IFT81: variants seen among roughly 807,000 people sequenced by gnomAD.
IFT81 encodes the protein intraflagellar transport protein 81 homolog.
Under a neutral mutation model 102.6 loss-of-function variants are expected in IFT81, and 72 were observed. That is an observed-to-expected ratio of 0.70 (90% CI 0.58 to 0.85). The LOEUF (loss-of-function observed/expected upper bound fraction) is 0.85, where lower values mean the gene tolerates loss of function less well. Ranked by LOEUF, IFT81 falls within the 40% of genes least tolerant of loss-of-function variation. The pLI, the probability that IFT81 is intolerant of heterozygous loss-of-function variation, is 0.00. For missense variants in IFT81, 723 were observed against 787.3 expected (o/e 0.92, Z 0.98); for synonymous variants, 237 against 242.7 (o/e 0.98, Z 0.22).
Position 110,147,015 on chromosome 12 carries a change from C to T in IFT81, c.1008C>T (p.Pro336=), listed in dbSNP as rs1593298169. Reference sequence around the variant, plus strand: ...AAAAGAAAATGATGAGAAATGAGCCCATTGAAGGCAAACTCTCACTGTATA... The same window carrying T: ...AAAAGAAAATGATGAGAAATGAGCCTATTGAAGGCAAACTCTCACTGTATA... ...LIEKKMMRNE[P]IEGKLSLYRQ... is the part of the protein sequence containing the mutation. The change falls in exon 10 of 19, where the codon CCC becomes CCT. Residue 336 remains proline, a synonymous_variant. Transcript: ENST00000242591. The T allele has an allele frequency of 2.5e-6, 4 of 1,610,822 alleles. No individual in the cohort carries two copies. Among genetic ancestry groups the T allele is most frequent in the Non-Finnish European group, 3.4e-6 (4 of 1,178,588 alleles).
At position 110,217,900 on chromosome 12, in the gene IFT81, T is replaced by C. The variant is rs142227986; in HGVS notation, c.1849-144T>C. Reference sequence around the variant, plus strand: ...TGGCCTTAGTTAACTTTTATAATCTTAGTTTTGGTACATTATAGAGTATGT... The same window carrying C: ...TGGCCTTAGTTAACTTTTATAATCTCAGTTTTGGTACATTATAGAGTATGT... On this transcript the variant is annotated intron_variant, in intron 18 of 18. Transcript: ENST00000242591. The C allele has an allele frequency of 1.6e-3, 959 of 591,416 alleles. 6 individuals carry two copies. The African/African-American group carries it at 0.018, about 11-fold the overall frequency. The allele number at this position is 591,416 out of a possible 1,614,324, so 36.6% of individuals were successfully genotyped here. A position where few individuals can be genotyped will look rare whatever the true frequency, so the allele number is the denominator to read the frequency against.
At chr12:110,179,574 T>C (rs1897198335) in intron 11 of IFT81, among the ~76,000 whole-genome samples, 1 of 150,500 alleles carries the variant, frequency 6.6e-6, no homozygotes, top group African/African-American at 2.4e-5. Flanking sequence ...ATGCAAAAAT[T>C]AGCCAGGCGT....
chr12:110,143,559 A>C lies in IFT81; in HGVS notation c.945+14A>C. On this transcript the variant is annotated intron_variant, in intron 9 of 18. Coordinates refer to ENST00000242591, the MANE Select transcript of IFT81 (RefSeq NM_014055.4). Reference sequence around the variant, plus strand: ...CTTGAATCTAAAGTAAGTGAGAATCATCTTTTTATAGCTCTCAATTTTATC... The same window carrying C: ...CTTGAATCTAAAGTAAGTGAGAATCCTCTTTTTATAGCTCTCAATTTTATC... 1 of 1,531,858 alleles carries C rather than the reference A, an allele frequency of 6.5e-7. No individual in the cohort carries two copies. The highest frequency in any genetic ancestry group is 8.7e-7 in the Non-Finnish European group (1 of 1,149,888). 94.9% of individuals were successfully genotyped at this position (1,531,858 alleles called of 1,614,324 possible).
intron 4 of IFT81, among the ~76,000 whole-genome samples, chr12:110,129,633 A>G (rs1391026422): frequency 1.3e-5 from 2 of 152,206 alleles, no homozygotes; most frequent in East Asian, 3.9e-4. Flanking sequence ...CAAAGGGTAG[A>G]GATAGATTCC....
At chr12:110,206,079 A>G (rs550402433) in intron 17 of IFT81, among the ~76,000 whole-genome samples, 2 of 152,330 alleles carry the variant, frequency 1.3e-5, no homozygotes, top group South Asian at 4.1e-4. Context: ...AGGAATATAT[A>G]TAATTTCATA....
At chr12:110,137,444 C>T (rs535389669) in intron 8 of IFT81, among the ~76,000 whole-genome samples, 1 of 152,072 alleles carries the variant, frequency 6.6e-6, no homozygotes, top group South Asian at 2.1e-4. Context: ...GTATAAAGGA[C>T]TTAGCATGGC....
At chr12:110,205,381 A>C in intron 15 of IFT81, 62 bp from the exon 16 acceptor site, 1 of 1,506,866 alleles carries the variant, frequency 6.6e-7, no homozygotes, top group South Asian at 1.3e-5. Context: ...ATCTAAAGTC[A>C]TCGTCGCCAT....
intron 6 of IFT81, 141 bp downstream of exon 6, chr12:110,135,154 C>T (rs1425104798): frequency 1.3e-6 from 1 of 760,256 alleles, no homozygotes; most frequent in African/African-American, 1.8e-5. Flanking sequence ...AAGGGAATCT[C>T]TCTAGACAGT....
At chr12:110,166,248 C>T (rs1216311477) in intron 11 of IFT81, among the ~76,000 whole-genome samples, 1 of 152,130 alleles carries the variant, frequency 6.6e-6, no homozygotes, top group Non-Finnish European at 1.5e-5. Context: ...AAATATAGTT[C>T]ACAGCTTAAA....
rs973910624 is a variant in IFT81 at position 110,180,419 on chromosome 12, C to T, written c.1189-3C>T. On this transcript the variant is annotated splice_polypyrimidine_tract_variant and splice_region_variant and intron_variant, in intron 11 of 18. Transcript: ENST00000242591. ...TAGATTACATATTGTGTTTTTTTTA[C>T]AGTTCAAACGATATGTCAATAAACT... The T allele has an allele frequency of 2.5e-6, 4 of 1,571,030 alleles. No homozygotes were observed. In the South Asian group the frequency reaches 3.4e-5, roughly 14 times the overall value.
chr12:110,157,281 G>A (rs867308238), intron 10 of IFT81, among the ~76,000 whole-genome samples: 6 of 152,044 alleles, frequency 3.9e-5, no homozygotes, highest in Admixed American at 6.6e-5. Context: ...CCTGGGAGGC[G>A]GAGGTTGCCG....
intron 12 of IFT81, among the ~76,000 whole-genome samples, chr12:110,189,999 C>T (rs1420757781): frequency 4.6e-5 from 7 of 152,142 alleles, no homozygotes; most frequent in South Asian, 2.1e-4. Context: ...ACTATTGAGA[C>T]GGTCTTCTAA....
At chr12:110,192,774 T>C (rs1365511001) in intron 14 of IFT81, 68 bp downstream of exon 14, 2 of 859,880 alleles carry the variant, frequency 2.3e-6, no homozygotes, top group East Asian at 5.1e-5. Flanking sequence ...TATTCACATG[T>C]GCTAGTTAGA....
intron 10 of IFT81, among the ~76,000 whole-genome samples, chr12:110,153,907 G>A (rs535486679): frequency 2.6e-5 from 4 of 150,986 alleles, no homozygotes; most frequent in Admixed American, 1.3e-4. Context: ...ATGAGCCACC[G>A]CGCCCAGCCT....
At chr12:110,182,517 G>T (rs867849557) in intron 12 of IFT81, among the ~76,000 whole-genome samples, 12 of 152,080 alleles carry the variant, frequency 7.9e-5, no homozygotes, top group South Asian at 2.1e-4. Context: ...CCCTTACCAG[G>T]CCATGGCTGC....
In IFT81 at chr12:110,218,098, C is replaced by A; in HGVS notation, c.1903C>A (p.Gln635Lys). The A allele has an allele frequency of 1.2e-6, 2 of 1,601,412 alleles. No individual in the cohort carries two copies. Among genetic ancestry groups the A allele is most frequent in the South Asian group, 1.1e-5 (1 of 88,226 alleles). The change falls in exon 19 of 19, where the codon CAA (glutamine) becomes AAA (lysine). Residue 635 changes from glutamine to lysine, a missense_variant. By Grantham distance (53) the Gln-to-Lys change is moderately conservative (BLOSUM62 1). Transcript: ENST00000242591. ...IRESHGPNMK[Q>K]AKMWRDLEQL... ...AGAAAGTCATGGTCCAAATATGAAA[C>A]AAGCAAAAATGTGGCGTGATTTGGA... is the stretch of plus-strand genomic sequence containing the variant.
chr12:110,180,841 G>T (rs1897293212), intron 12 of IFT81, among the ~76,000 whole-genome samples: 1 of 152,142 alleles, frequency 6.6e-6, no homozygotes, highest in Admixed American at 6.5e-5. Flanking sequence ...GTTAATATGA[G>T]TAAAATTATC....
intron 14 of IFT81, among the ~76,000 whole-genome samples, chr12:110,198,349 G>A (rs967038680): frequency 2.6e-5 from 4 of 150,968 alleles, no homozygotes; most frequent in Non-Finnish European, 4.4e-5. Context: ...TTGAAGGGTC[G>A]GCTATCAGTT....
chr12:110,146,509 T>C (rs1895232799), intron 9 of IFT81, among the ~76,000 whole-genome samples: 1 of 152,232 alleles, frequency 6.6e-6, no homozygotes, highest in South Asian at 2.1e-4. Context: ...AAATATTTCA[T>C]GTAAAATACT....
Sources: allele counts gnomAD v4.1 joint callset (sites outside exome capture counted in the v4.1 genomes callset), GRCh38; gene constraint gnomAD v4.1.1; transcripts MANE v1.5; gene names NCBI Gene and HGNC (gene_info 2026-07-23, HGNC 2026-07-21).